NECAP2: variants seen among roughly 807,000 people sequenced by gnomAD.
NECAP2 encodes the protein NECAP endocytosis associated 2, also known as adaptin ear-binding coat-associated protein 2.
NECAP2 carries 38 observed loss-of-function variants against 37.8 expected under a neutral mutation model. The observed-to-expected ratio is 1.01, with a 90% CI of 0.78 to 1.32. The LOEUF (loss-of-function observed/expected upper bound fraction) is 1.32, where lower values mean the gene tolerates loss of function less well. NECAP2 is among the 40% of genes most tolerant of loss of function. The pLI, the probability that NECAP2 is intolerant of heterozygous loss-of-function variation, is 0.00. For missense variants in NECAP2, 316 were observed against 334.5 expected (o/e 0.94, Z 0.43); for synonymous variants, 121 against 127.7 (o/e 0.95, Z 0.35).
chr1:16,455,260 T>C (rs1369730925), intron 6 of NECAP2, among the ~76,000 whole-genome samples: 5 of 152,282 alleles, frequency 3.3e-5, no homozygotes, highest in Non-Finnish European at 7.4e-5. Context: ...CCTACCTTGG[T>C]GGAGAGATAG....
chr1:16,441,465 G>T (rs1008004170), intron 1 of NECAP2: 1 of 152,244 alleles, frequency 6.6e-6, no homozygotes, highest in Admixed American at 6.5e-5. Flanking sequence ...TCTCTGCAAA[G>T]GAACACAGGA....
intron 4 of NECAP2, among the ~76,000 whole-genome samples, chr1:16,448,532 C>G (rs2100954358): frequency 6.6e-6 from 1 of 152,272 alleles, no homozygotes; most frequent in Non-Finnish European, 1.5e-5. Context: ...GCAGGAAGTC[C>G]TCCTCCACCA....
intron 7 of NECAP2, 91 bp downstream of exon 7, chr1:16,455,984 A>T: frequency 2.4e-6 from 2 of 848,614 alleles, no homozygotes; most frequent in Non-Finnish European, 3.9e-6. Flanking sequence ...TTCTGGTGTT[A>T]GGATTAGGAG....
At chr1:16,445,828 G>C (rs1434515570) in intron 2 of NECAP2, among the ~76,000 whole-genome samples, 1 of 151,840 alleles carries the variant, frequency 6.6e-6, no homozygotes, top group Non-Finnish European at 1.5e-5. Flanking sequence ...CACTTGAACC[G>C]AGGAGGTAGA....
At chr1:16,448,516 G>T (rs2086795384) in intron 4 of NECAP2, among the ~76,000 whole-genome samples, 1 of 152,202 alleles carries the variant, frequency 6.6e-6, no homozygotes, top group African/African-American at 2.4e-5. Flanking sequence ...GAAGCTAAGA[G>T]ACAGGGCAGG....
intron 6 of NECAP2, 52 bp from the exon 7 acceptor site, chr1:16,455,766 C>T (rs754282452): frequency 1.4e-6 from 2 of 1,457,046 alleles, no homozygotes; most frequent in Non-Finnish European, 1.9e-6. Flanking sequence ...AGGTCTCTGA[C>T]TTCTCTGTCC....
In NECAP2 at chr1:16,440,772, G is replaced by T. The variant is rs768795607; in HGVS notation, c.11G>T (p.Ser4Ile). 2 of 1,613,964 alleles carry T rather than the reference G, an allele frequency of 1.2e-6. No homozygotes were observed. ...GCTCCAGGCGTCGCGATGGAGGAGA[G>T]CGGGTACGAGTCGGTGCTCTGTGTC... MEESGYESVLCVKP... is the reference protein window; with the variant it reads MEEIGYESVLCVKP... The change falls in exon 1 of 8, where the codon AGC becomes ATC. Residue 4 changes from serine (S) to isoleucine (I), a missense_variant. By Grantham distance (142) the Ser-to-Ile change is moderately radical. Coordinates refer to ENST00000337132, the MANE Select transcript of NECAP2 (RefSeq NM_018090.5).
chr1:16,442,995 C>T (rs376912720), intron 1 of NECAP2, among the ~76,000 whole-genome samples: 6 of 152,352 alleles, frequency 3.9e-5, no homozygotes, highest in South Asian at 2.1e-4. Flanking sequence ...GACCCATTCA[C>T]TTTTCTCACA....
At chr1:16,441,003 C>A in intron 1 of NECAP2, 150 bp downstream of exon 1, 1 of 646,920 alleles carries the variant, frequency 1.5e-6, no homozygotes, top group Non-Finnish European at 2.7e-6. Context: ...CAGGCCCGAG[C>A]AGGGAGGTGG....
At chr1:16,451,208 C>T (rs895970010) in intron 5 of NECAP2, 1 of 152,160 alleles carries the variant, frequency 6.6e-6, no homozygotes, top group Non-Finnish European at 1.5e-5. Flanking sequence ...CATGGTGTTG[C>T]GTGTAGTTTG....
rs745811701 is a variant in NECAP2 at position 16,443,750 on chromosome 1, T to A, written c.193+18T>A. ...GACGTCAGGTAACCGGAAGGGAGGC[T>A]GCATCAAGCTGAGGGGCCGCACCCC... On this transcript the variant is annotated intron_variant, in intron 2 of 7. Coordinates refer to ENST00000337132, the MANE Select transcript of NECAP2 (RefSeq NM_018090.5). The A allele has an allele frequency of 6.3e-7, 1 of 1,592,992 alleles. No homozygotes were observed. The highest frequency in any genetic ancestry group is 2.2e-5 in the East Asian group (1 of 44,642).
chr1:16,452,453 C>T (rs1049646246), intron 6 of NECAP2, among the ~76,000 whole-genome samples: 3 of 152,086 alleles, frequency 2.0e-5, no homozygotes, highest in African/African-American at 7.2e-5. Flanking sequence ...TGACATTGAT[C>T]TGGACCTTGA....
chr1:16,454,766 C>T (rs1197335220), intron 6 of NECAP2, among the ~76,000 whole-genome samples: 1 of 152,172 alleles, frequency 6.6e-6, no homozygotes, highest in Non-Finnish European at 1.5e-5. Context: ...ATCAAATAAG[C>T]TGATTTATGT....
At chr1:16,451,725 T>A in intron 5 of NECAP2, 113 bp from the exon 6 acceptor site, 1 of 1,021,390 alleles carries the variant, frequency 9.8e-7, no homozygotes, top group Non-Finnish European at 1.5e-6. Flanking sequence ...GACCATCTTT[T>A]GGTTACACAG....
intron 5 of NECAP2, chr1:16,450,255 TTTG>T (rs1033725564): frequency 4.2e-5 from 16 of 377,976 alleles, no homozygotes; most frequent in African/African-American, 1.6e-4. Flanking sequence ...GTGGTTTTTT[TTTG>T]TTTTGTTTTG....
At position 16,447,956 on chromosome 1, in the gene NECAP2, C is replaced by T. The variant is rs1484481348; in HGVS notation, c.280C>T (p.Arg94Cys). 21 of 1,613,968 alleles carry T rather than the reference C, an allele frequency of 1.3e-5. No homozygotes were observed. The highest frequency in any genetic ancestry group is 2.2e-5 in the East Asian group (1 of 44,894). The change falls in exon 3 of 8, where the codon CGC becomes TGC. Residue 94 changes from arginine (R) to cysteine (C), a missense_variant. Around this residue, in one of 3 missense-constraint regions of NECAP2, gnomAD observed 81 missense variants for 124.2 expected, o/e 0.65. Transcript: ENST00000337132. ...VTDSSRYFVI[R>C]IEDGNGRRAF... ...GGATTCCAGCAGGTACTTCGTGATC[C>T]GCATCGAAGATGGAAATGGTAGGCA...
intron 2 of NECAP2, among the ~76,000 whole-genome samples, chr1:16,445,048 A>T (rs2086740401): frequency 6.6e-6 from 1 of 150,614 alleles, no homozygotes; most frequent in Admixed American, 6.6e-5. Flanking sequence ...CTGTTCTTGA[A>T]CTCCTGACCT....
Position 16,452,616 on chromosome 1 carries a change from T to C in NECAP2, c.667+601T>C, listed in dbSNP as rs143252367. ...GTGGGAAATGAGATTTCGTTTGGAG[T>C]GAGCACCTCGGGTGTGGGAATCTGA... On this transcript the variant is annotated intron_variant, in intron 6 of 7. Transcript: ENST00000337132. 5.4e-3 allele frequency among the ~76,000 whole-genome samples: 815 copies of C among 152,092 alleles called. 4 individuals carry two copies. The highest frequency in any genetic ancestry group is 0.017 in the Middle Eastern group (5 of 294).
At chr1:16,441,524 CT>C (rs2086689837) in intron 1 of NECAP2, 1 of 152,148 alleles carries the variant, frequency 6.6e-6, no homozygotes, top group Non-Finnish European at 1.5e-5. Context: ...CTTCCTTTCC[CT>C]TTTGTGCTGT....
Sources: allele counts gnomAD v4.1 joint callset (sites outside exome capture counted in the v4.1 genomes callset), GRCh38; gene constraint gnomAD v4.1.1; regional missense constraint gnomAD v4.1.1; transcripts MANE v1.5; gene names NCBI Gene and HGNC (gene_info 2026-07-23, HGNC 2026-07-21).